Variants in PPP1CB observed in about 807,000 individuals in gnomAD.
PPP1CB encodes serine/threonine-protein phosphatase PP1-beta catalytic subunit.
PPP1CB carries 2 observed loss-of-function variants against 43.7 expected under a neutral mutation model. The observed-to-expected ratio is 0.05, with a 90% CI of 0.02 to 0.14. The LOEUF (loss-of-function observed/expected upper bound fraction) is 0.14. Ranked by LOEUF, PPP1CB falls within the 10% of genes least tolerant of loss-of-function variation. The pLI is 1.00. For missense variants in PPP1CB, 84 were observed against 398.0 expected (o/e 0.21, Z 6.71); for synonymous variants, 136 against 135.6 (o/e 1.00, Z -0.02).
Position 28,800,413 on chromosome 2 carries a change from G to C in PPP1CB, c.*1110G>C, listed in dbSNP as rs1667590474. 6.6e-6 allele frequency: 1 copy of C among 151,918 alleles called. No homozygotes were observed. Among genetic ancestry groups the C allele is most frequent in the South Asian group, 2.1e-4 (1 of 4,814 alleles). 9.4% of individuals were successfully genotyped at this position (151,918 alleles called of 1,614,324 possible). ...AACTATGGGTATTGGGTGCTTAACT[G>C]TCTAATATTGCCATGTGAATGTTGT... is the stretch of plus-strand genomic sequence containing the variant. On this transcript the variant is annotated 3_prime_UTR_variant, in exon 8 of 8. Coordinates refer to ENST00000395366, the MANE Select transcript of PPP1CB (RefSeq NM_002709.3).
chr2:28,777,215 T>C (rs1360562910), intron 2 of PPP1CB: 1 of 249,620 alleles, frequency 4.0e-6, no homozygotes, highest in Non-Finnish European at 7.6e-6. Flanking sequence ...ATATAAAGAG[T>C]TCTTATAAAT....
intron 6 of PPP1CB, among the ~76,000 whole-genome samples, chr2:28,789,429 A>C (rs1046858412): frequency 1.3e-5 from 2 of 151,480 alleles, no homozygotes; most frequent in African/African-American, 4.8e-5. Context: ...GGATCGCTTG[A>C]GCCTAGGAGA....
At chr2:28,759,049 G>A (rs1414677964) in intron 1 of PPP1CB, among the ~76,000 whole-genome samples, 8 of 152,184 alleles carry the variant, frequency 5.3e-5, no homozygotes, top group African/African-American at 1.9e-4. Context: ...TCTGTCAAAT[G>A]ATGTTTTGGT....
intron 1 of PPP1CB, among the ~76,000 whole-genome samples, chr2:28,752,414 G>A (rs1196165786): frequency 6.6e-6 from 1 of 152,146 alleles, no homozygotes; most frequent in African/African-American, 2.4e-5. Flanking sequence ...GCGGACCCTC[G>A]GGGGCCAGGC....
At chr2:28,785,296 G>A (rs180696966) in intron 5 of PPP1CB, among the ~76,000 whole-genome samples, 2 of 151,374 alleles carry the variant, frequency 1.3e-5, no homozygotes, top group East Asian at 3.9e-4. Context: ...GGATGGTCTC[G>A]ATCTCTTGAT....
intron 7 of PPP1CB, among the ~76,000 whole-genome samples, chr2:28,796,144 T>G: frequency 6.6e-6 from 1 of 151,946 alleles, no homozygotes; most frequent in East Asian, 1.9e-4. Flanking sequence ...GTTCCATTGG[T>G]TTATATGTCT....
intron 1 of PPP1CB, among the ~76,000 whole-genome samples, 167 bp downstream of exon 1, chr2:28,752,343 C>T (rs1298501282): frequency 1.3e-5 from 2 of 151,932 alleles, no homozygotes; most frequent in Non-Finnish European, 2.9e-5. Context: ...AGGCTCTGGG[C>T]GCGGGGGAGC....
intron 2 of PPP1CB, chr2:28,778,334 C>A (rs1041477213): frequency 4.3e-6 from 2 of 469,828 alleles, no homozygotes; most frequent in African/African-American, 4.0e-5. Context: ...TACCATCTCA[C>A]AATTTCTGTG....
chr2:28,789,594 T>TTTA (rs1491247589), intron 6 of PPP1CB, among the ~76,000 whole-genome samples: 9 of 27,734 alleles, frequency 3.2e-4, no homozygotes, highest in Admixed American at 2.3e-3. Context: ...ATGATTTAGA[T>TTTA]TTTTTTTTTT....
At chr2:28,773,136 G>A (rs907748199) in intron 1 of PPP1CB, among the ~76,000 whole-genome samples, 7 of 152,266 alleles carry the variant, frequency 4.6e-5, no homozygotes, top group African/African-American at 1.7e-4. Flanking sequence ...CAGGTATATA[G>A]ATAGTTTAAA....
chr2:28,777,698 G>T (rs888221065), intron 2 of PPP1CB, among the ~76,000 whole-genome samples: 2 of 152,134 alleles, frequency 1.3e-5, no homozygotes, highest in African/African-American at 2.4e-5. Flanking sequence ...TGTTGCCCAG[G>T]CTGGAGTACA....
At chr2:28,760,075 A>G (rs978621145) in intron 1 of PPP1CB, among the ~76,000 whole-genome samples, 1 of 152,188 alleles carries the variant, frequency 6.6e-6, no homozygotes, top group African/African-American at 2.4e-5. Context: ...TGGAGGCGGA[A>G]TATAGTGTTA....
chr2:28,782,460 T>C (rs1468635525), intron 4 of PPP1CB: 1 of 153,394 alleles, frequency 6.5e-6, no homozygotes, highest in Admixed American at 6.5e-5. Flanking sequence ...GATAATTGAG[T>C]AATAAAAGGT....
chr2:28,785,454 T>G (rs1234063148), intron 5 of PPP1CB, among the ~76,000 whole-genome samples: 4 of 152,218 alleles, frequency 2.6e-5, no homozygotes, highest in African/African-American at 9.6e-5. Flanking sequence ...AGTTTTTGAT[T>G]GTAATTATAG....
intron 3 of PPP1CB, among the ~76,000 whole-genome samples, chr2:28,781,066 C>G (rs747875870): frequency 5.9e-5 from 9 of 151,968 alleles, no homozygotes; most frequent in Non-Finnish European, 1.0e-4. Context: ...AGTCCACACA[C>G]TGAACGGAAA....
intron 6 of PPP1CB, among the ~76,000 whole-genome samples, chr2:28,793,183 T>A (rs1667423680): frequency 6.6e-6 from 1 of 152,014 alleles, no homozygotes; most frequent in Non-Finnish European, 1.5e-5. Flanking sequence ...CCAGCCTGGG[T>A]TGACAGAGCA....
intron 1 of PPP1CB, among the ~76,000 whole-genome samples, chr2:28,776,284 C>T (rs182735594): frequency 1.3e-4 from 19 of 150,804 alleles, no homozygotes; most frequent in African/African-American, 3.2e-4. Context: ...TTATTTGAGA[C>T]GGAGTCTCGC....
intron 1 of PPP1CB, among the ~76,000 whole-genome samples, chr2:28,764,291 T>A (rs549696031): frequency 3.0e-4 from 45 of 151,378 alleles, no homozygotes; most frequent in Non-Finnish European, 5.9e-4. Flanking sequence ...AAATCCCGTC[T>A]CTACTTAAAA....
At chr2:28,797,804 C>T (rs1667528579) in intron 7 of PPP1CB, among the ~76,000 whole-genome samples, 1 of 152,046 alleles carries the variant, frequency 6.6e-6, no homozygotes, top group Admixed American at 6.5e-5. Context: ...TTAAAAGAGG[C>T]CAGTTTTAGC....
Sources: gnomAD v4.1 joint callset for allele counts (sites outside exome capture counted in the v4.1 genomes callset) on GRCh38, gnomAD v4.1.1 for gene constraint, MANE v1.5 for transcripts, NCBI Gene and HGNC (gene_info 2026-07-23, HGNC 2026-07-21) for gene names.